HACE1: variants seen among roughly 807,000 people sequenced by gnomAD.
The protein encoded by HACE1 is HECT domain and ankyrin repeat containing E3 ubiquitin protein ligase 1.
HACE1 carries 73 observed loss-of-function variants against 118.4 expected under a neutral mutation model. That is an observed-to-expected ratio of 0.62 (90% confidence interval 0.51 to 0.75). HACE1 has a LOEUF of 0.75. Among genes scored for constraint, HACE1 ranks in the 30% least tolerant of loss-of-function variants. HACE1 has a pLI of 0.00. For missense variants in HACE1, 749 were observed against 1,102.2 expected (o/e 0.68, Z 4.54); for synonymous variants, 368 against 374.8 (o/e 0.98, Z 0.21).
intron 19 of HACE1, among the ~76,000 whole-genome samples, chr6:104,768,041 GTATTA>G (rs941539583): frequency 5.2e-4 from 79 of 152,130 alleles, no homozygotes; most frequent in African/African-American, 1.9e-3. Flanking sequence ...TAATTTAAGA[GTATTA>G]TATTTCAAAT....
chr6:104,825,161 G>T (rs1773190997), intron 6 of HACE1, among the ~76,000 whole-genome samples: 2 of 152,092 alleles, frequency 1.3e-5, no homozygotes, highest in African/African-American at 4.8e-5. Flanking sequence ...CATTTGAGTG[G>T]TTTTGAGGCA....
intron 5 of HACE1, among the ~76,000 whole-genome samples, chr6:104,835,444 GA>G (rs892557372): frequency 2.0e-5 from 3 of 151,326 alleles, no homozygotes; most frequent in South Asian, 2.1e-4. Flanking sequence ...AAGAGACAAG[GA>G]AAAAAAACTC....
At chr6:104,851,655 C>T (rs2114310023) in intron 2 of HACE1, among the ~76,000 whole-genome samples, 1 of 152,026 alleles carries the variant, frequency 6.6e-6, no homozygotes, top group African/African-American at 2.4e-5. Flanking sequence ...TTGAGCCTAG[C>T]TATATTAATT....
At chr6:104,829,332 T>C (rs1773633230) in intron 6 of HACE1, among the ~76,000 whole-genome samples, 1 of 152,072 alleles carries the variant, frequency 6.6e-6, no homozygotes, top group Admixed American at 6.6e-5. Flanking sequence ...GTAAATCACA[T>C]GCAACTCAAG....
intron 6 of HACE1, chr6:104,824,905 C>G (rs1158494686): frequency 6.7e-6 from 1 of 148,490 alleles, no homozygotes; most frequent in Non-Finnish European, 1.5e-5. Context: ...AACCCCGTCT[C>G]TACTAAAAAA....
chr6:104,773,804 T>C (rs943024145), intron 17 of HACE1, among the ~76,000 whole-genome samples: 2 of 150,288 alleles, frequency 1.3e-5, no homozygotes, highest in Non-Finnish European at 3.0e-5. Context: ...AGGGAGAAAA[T>C]CTTCAGAAAA....
At chr6:104,815,421 G>C (rs1772010445) in intron 6 of HACE1, among the ~76,000 whole-genome samples, 1 of 135,380 alleles carries the variant, frequency 7.4e-6, no homozygotes, top group Non-Finnish European at 1.6e-5. Context: ...AGGCTGGAGT[G>C]TAATGGCATG....
Position 104,729,768 on chromosome 6 carries a change from T to C in HACE1, c.2628-4A>G. Reference sequence around the variant, plus strand: ...AGGTAACTTGAGCATGTTGATGCTTTAAAAGAAAAATATACCACCATTAAA... The same window carrying C: ...AGGTAACTTGAGCATGTTGATGCTTCAAAAGAAAAATATACCACCATTAAA... On this transcript the variant is annotated splice_region_variant and splice_polypyrimidine_tract_variant and intron_variant, in intron 23 of 23. Transcript: ENST00000262903. 1 of 1,306,550 alleles carries C rather than the reference T, an allele frequency of 7.7e-7. No homozygotes were observed. Among genetic ancestry groups the C allele is most frequent in the Non-Finnish European group, 1.1e-6 (1 of 901,414 alleles). The allele number at this position is 1,306,550 out of a possible 1,614,324, so 80.9% of individuals were successfully genotyped here. A position where few individuals can be genotyped will look rare whatever the true frequency, so the allele number is the denominator to read the frequency against.
intron 6 of HACE1, among the ~76,000 whole-genome samples, chr6:104,824,063 G>A (rs879604408): frequency 6.6e-5 from 10 of 152,184 alleles, no homozygotes; most frequent in African/African-American, 9.7e-5. Flanking sequence ...TTAGGCGAGG[G>A]GACAGAGGCT....
chr6:104,744,277 A>G lies in HACE1; in HGVS notation c.2443-47T>C, dbSNP rs755615218. ...TTAGCTCATATTTCAGAGCAATTGT[A>G]GACTTCTCAATACCAGAGAAATATG... On this transcript the variant is annotated intron_variant, in intron 21 of 23. Coordinates refer to ENST00000262903, the MANE Select transcript of HACE1 (RefSeq NM_020771.4). The G allele has an allele frequency of 8.8e-6, 10 of 1,135,044 alleles. No individual in the cohort carries two copies. The Admixed American group carries it at 1.2e-4, about 13-fold the overall frequency. 70.3% of individuals were successfully genotyped at this position (1,135,044 alleles called of 1,614,324 possible).
chr6:104,802,402 A>T (rs1026328481), intron 7 of HACE1, among the ~76,000 whole-genome samples: 1 of 152,200 alleles, frequency 6.6e-6, no homozygotes, highest in Non-Finnish European at 1.5e-5. Context: ...ACCCCAAATC[A>T]ACAGAATATA....
Position 104,859,720 on chromosome 6 carries a change from C to T in HACE1, c.-78G>A. ...CCGCGCCCAGAGCCCTACATCTCGC[C>T]TGGGCCCGTCCAGCAGGCGGAGACG... is the stretch of plus-strand genomic sequence containing the variant. On this transcript the variant is annotated 5_prime_UTR_variant, in exon 1 of 24. Transcript: ENST00000262903. 7.7e-7 allele frequency: 1 copy of T among 1,295,450 alleles called. No homozygotes were observed. Among genetic ancestry groups the T allele is most frequent in the South Asian group, 1.3e-5 (1 of 76,798 alleles). The allele number at this position is 1,295,450 out of a possible 1,614,324, so 80.2% of individuals were successfully genotyped here. A position where few individuals can be genotyped will look rare whatever the true frequency, so the allele number is the denominator to read the frequency against.
intron 22 of HACE1, among the ~76,000 whole-genome samples, chr6:104,735,804 G>C (rs1253949366): frequency 6.6e-6 from 1 of 151,974 alleles, no homozygotes; most frequent in East Asian, 1.9e-4. Context: ...TCTATAATCA[G>C]ACTGTCCCAC....
chr6:104,762,984 C>T (rs1396186884), intron 19 of HACE1, among the ~76,000 whole-genome samples: 5 of 99,584 alleles, frequency 5.0e-5, no homozygotes, highest in Non-Finnish European at 9.4e-5. Context: ...AGTAAGACTC[C>T]ATCTCAAAAA....
At chr6:104,831,990 G>GA (rs1562471425) in intron 6 of HACE1, among the ~76,000 whole-genome samples, 365 of 94,914 alleles carry the variant, frequency 3.8e-3, no homozygotes, top group East Asian at 0.013. Context: ...GAGGAAGGAA[G>GA]GAAGGAAGGA....
At chr6:104,784,795 C>T (rs878901757) in intron 12 of HACE1, among the ~76,000 whole-genome samples, 190 bp downstream of exon 12, 1 of 152,052 alleles carries the variant, frequency 6.6e-6, no homozygotes, top group Admixed American at 6.5e-5. Context: ...CACCATTCTA[C>T]AAAGTAATAA....
intron 7 of HACE1, among the ~76,000 whole-genome samples, chr6:104,809,996 T>G (rs1771429253): frequency 6.6e-6 from 1 of 152,112 alleles, no homozygotes; most frequent in South Asian, 2.1e-4. Context: ...AATCTGAAGC[T>G]GTATTTTGAC....
chr6:104,740,415 C>T (rs756207103), intron 22 of HACE1, among the ~76,000 whole-genome samples: 25 of 151,758 alleles, frequency 1.6e-4, no homozygotes, highest in Admixed American at 6.6e-4. Context: ...ATTGATAGAC[C>T]GCTAGCAAGA....
intron 6 of HACE1, among the ~76,000 whole-genome samples, chr6:104,812,228 G>A (rs138605212): frequency 6.6e-6 from 1 of 152,220 alleles, no homozygotes; most frequent in Non-Finnish European, 1.5e-5. Context: ...GGTGGCTTGA[G>A]GCCAGTAGTT....
Sources: gnomAD v4.1 joint callset for allele counts (sites outside exome capture counted in the v4.1 genomes callset) on GRCh38, gnomAD v4.1.1 for gene constraint, MANE v1.5 for transcripts, NCBI Gene and HGNC (gene_info 2026-07-23, HGNC 2026-07-21) for gene names.